MPDZ: variants seen among roughly 807,000 people sequenced by gnomAD.
MPDZ encodes the protein multiple PDZ domain protein.
Under a neutral mutation model 239.1 loss-of-function variants are expected in MPDZ, and 234 were observed. The ratio of observed to expected loss-of-function variants is 0.98; its 90% CI spans 0.88 to 1.09. The LOEUF (loss-of-function observed/expected upper bound fraction) is 1.09, where lower values mean the gene tolerates loss of function less well. Among genes scored for constraint, MPDZ ranks in the 50% least tolerant of loss-of-function variants. The pLI is 0.00. For synonymous variants in MPDZ, 1,048 were observed against 881.3 expected (o/e 1.19, Z -3.35); for missense variants, 3,175 against 2,510.0 (o/e 1.26, Z -5.66).
chr9:13,133,321 C>A (rs1048821302), intron 32 of MPDZ, among the ~76,000 whole-genome samples: 9 of 152,066 alleles, frequency 5.9e-5, no homozygotes, highest in African/African-American at 1.7e-4. Flanking sequence ...TTTTTAACCA[C>A]AACAATAATA....
Position 13,106,789 on chromosome 9 carries a change from T to C in MPDZ, c.*176A>G, listed in dbSNP as rs1405122374. On this transcript the variant is annotated 3_prime_UTR_variant, in exon 47 of 47. Coordinates refer to ENST00000319217, the MANE Select transcript of MPDZ (RefSeq NM_001378778.1). Reference sequence around the variant, plus strand: ...ATGCAAGAAGAAAAGAAAAATGATGTTAGGTTGTCAGTAAGGAAAGCATTT... The same window carrying C: ...ATGCAAGAAGAAAAGAAAAATGATGCTAGGTTGTCAGTAAGGAAAGCATTT... 2 of 614,194 alleles carry C rather than the reference T, an allele frequency of 3.3e-6. No homozygotes were observed. Among genetic ancestry groups the C allele is most frequent in the Non-Finnish European group, 5.4e-6 (2 of 369,564 alleles). 38.0% of individuals were successfully genotyped at this position (614,194 alleles called of 1,614,324 possible). A position where few individuals can be genotyped will look rare whatever the true frequency, so the allele number is the denominator to read the frequency against.
intron 16 of MPDZ, 87 bp from the exon 17 acceptor site, chr9:13,189,080 TAA>T: frequency 1.7e-6 from 2 of 1,151,250 alleles, no homozygotes; most frequent in Non-Finnish European, 2.4e-6. Context: ...AACGAATGAG[TAA>T]TTGTCTCAAG....
rs116619465 is a variant in MPDZ at position 13,180,596 on chromosome 9, C to A, written c.2649+2822G>T. Reference sequence around the variant, plus strand: ...GTTAAAATTTTAAACAAAAGTCTGCCAATTTAAAAACCAATTATTTCTGCA... The same window carrying A: ...GTTAAAATTTTAAACAAAAGTCTGCAAATTTAAAAACCAATTATTTCTGCA... On this transcript the variant is annotated intron_variant, in intron 19 of 46. Coordinates refer to ENST00000319217, the MANE Select transcript of MPDZ (RefSeq NM_001378778.1). 7.2e-3 allele frequency among the ~76,000 whole-genome samples: 1,092 copies of A among 152,002 alleles called. 12 individuals are homozygous for A. The highest frequency in any genetic ancestry group is 0.025 in the African/African-American group (1,049 of 41,456).
intron 43 of MPDZ, 103 bp downstream of exon 43, chr9:13,111,921 T>C (rs41265278): frequency 3.3e-5 from 39 of 1,169,172 alleles, no homozygotes; most frequent in African/African-American, 3.1e-5. Flanking sequence ...AAAGTAAATA[T>C]AGATATTTAA....
intron 3 of MPDZ, among the ~76,000 whole-genome samples, chr9:13,237,247 C>T (rs747185867): frequency 8.6e-5 from 13 of 151,090 alleles, no homozygotes; most frequent in Non-Finnish European, 7.4e-5. Flanking sequence ...GTTCGAGACC[C>T]GCCTGAGCAG....
At chr9:13,241,809 C>A (rs572138584) in intron 3 of MPDZ, among the ~76,000 whole-genome samples, 3 of 152,172 alleles carry the variant, frequency 2.0e-5, no homozygotes, top group Non-Finnish European at 2.9e-5. Context: ...ACACTTTGGC[C>A]ATGAACTCTT....
intron 18 of MPDZ, among the ~76,000 whole-genome samples, chr9:13,183,795 A>G (rs1953714865): frequency 6.6e-6 from 1 of 152,054 alleles, no homozygotes; most frequent in Admixed American, 6.6e-5. Flanking sequence ...ATACAAGGTT[A>G]TTTTATTTCA....
chr9:13,114,396 G>C (rs1012603511), intron 40 of MPDZ, among the ~76,000 whole-genome samples: 3 of 152,168 alleles, frequency 2.0e-5, no homozygotes, highest in Admixed American at 6.5e-5. Flanking sequence ...TAGTAATTTA[G>C]AAAGTTAGTA....
chr9:13,172,602 G>C (rs950052341), intron 21 of MPDZ, among the ~76,000 whole-genome samples: 1 of 152,054 alleles, frequency 6.6e-6, no homozygotes, highest in African/African-American at 2.4e-5. Flanking sequence ...GGGCAGACTG[G>C]TCTTGAACTC....
chr9:13,249,104 TCACACA>T (rs199752806), intron 2 of MPDZ, among the ~76,000 whole-genome samples: 14,869 of 145,838 alleles, frequency 0.1, 792 homozygotes, highest in Middle Eastern at 0.13. Flanking sequence ...GATCATGGGT[TCACACA>T]CACACACACA....
At chr9:13,200,088 T>G (rs185905883) in intron 12 of MPDZ, among the ~76,000 whole-genome samples, 1 of 152,072 alleles carries the variant, frequency 6.6e-6, no homozygotes, top group African/African-American at 2.4e-5. Flanking sequence ...GGGATTTTCT[T>G]TAATTAGAGA....
At chr9:13,211,891 G>A (rs1957664810) in intron 10 of MPDZ, among the ~76,000 whole-genome samples, 1 of 151,932 alleles carries the variant, frequency 6.6e-6, no homozygotes, top group Admixed American at 6.6e-5. Context: ...CTATGAGAAG[G>A]CTTTTTAACC....
intron 19 of MPDZ, among the ~76,000 whole-genome samples, chr9:13,176,870 A>C (rs1312168063): frequency 1.3e-5 from 2 of 152,180 alleles, no homozygotes; most frequent in Non-Finnish European, 2.9e-5. Context: ...TTGGACTCAT[A>C]AGGGCCTCCA....
intron 9 of MPDZ, 54 bp downstream of exon 9, chr9:13,217,122 GAGAT>G: frequency 8.8e-7 from 1 of 1,133,750 alleles, no homozygotes; most frequent in Non-Finnish European, 1.3e-6. Context: ...TATTTTATAA[GAGAT>G]AGATATCAGA....
chr9:13,218,207 TTATC>T (rs1958617956), intron 8 of MPDZ, among the ~76,000 whole-genome samples: 1 of 151,878 alleles, frequency 6.6e-6, no homozygotes, highest in Non-Finnish European at 1.5e-5. Context: ...TTGCACATAA[TTATC>T]TGTGCAAACT....
At chr9:13,128,470 G>A (rs1587013931) in intron 32 of MPDZ, among the ~76,000 whole-genome samples, 1 of 152,324 alleles carries the variant, frequency 6.6e-6, no homozygotes, top group Non-Finnish European at 1.5e-5. Flanking sequence ...GACTGTAGCT[G>A]TAGCTGGCAA....
chr9:13,221,393 C>A lies in MPDZ; in HGVS notation c.855G>T (p.Leu285=), dbSNP rs369284173. ...CTACCTGATCAGCTACTCCTCCAGG[C>A]AGAATGGTTTTTACTATCACACCAG... ...KATGVIVKTI[L]PGGVADQHGR... The change falls in exon 7 of 47, where the codon CTG becomes CTT. Residue 285 remains leucine (L), a synonymous_variant. Transcript: ENST00000319217. 3.8e-5 allele frequency: 61 copies of A among 1,609,470 alleles called. No individual in the cohort carries two copies. Among genetic ancestry groups the A allele is most frequent in the Non-Finnish European group, 4.8e-5 (56 of 1,177,400 alleles).
Position 13,223,709 on chromosome 9 carries a change from C to T in MPDZ, c.395G>A (p.Gly132Asp). The change falls in exon 5 of 47, where the codon GGT becomes GAT. Residue 132 changes from glycine to aspartate, a missense_variant and splice_region_variant. Coordinates refer to ENST00000319217, the MANE Select transcript of MPDZ (RefSeq NM_001378778.1). Reference sequence around the variant, plus strand: ...GAGCTCAAAAACTTCTACATGGCGACCCTGTTTAGGAAACAAAGCAAGAAA... The same window carrying T: ...GAGCTCAAAAACTTCTACATGGCGATCCTGTTTAGGAAACAAAGCAAGAAA... ...FDQLIKNMAQ[G>D]RHVEVFELLK... 1.9e-6 allele frequency: 3 copies of T among 1,595,976 alleles called. No individual in the cohort carries two copies. The highest frequency in any genetic ancestry group is 1.1e-5 in the South Asian group (1 of 88,956).
chr9:13,123,076 T>C (rs1944598300), intron 36 of MPDZ, 77 bp downstream of exon 36: 9 of 1,430,290 alleles, frequency 6.3e-6, no homozygotes, highest in East Asian at 2.4e-5. Context: ...CTAGAACTGA[T>C]AGAAATCTCC....
Sources: allele counts gnomAD v4.1 joint callset (sites outside exome capture counted in the v4.1 genomes callset), GRCh38; gene constraint gnomAD v4.1.1; transcripts MANE v1.5; gene names NCBI Gene and HGNC (gene_info 2026-07-23, HGNC 2026-07-21).